FAM174B: variants seen among roughly 807,000 people sequenced by gnomAD.
The protein encoded by FAM174B is membrane protein FAM174B.
In FAM174B, 12 loss-of-function variants were observed where a neutral mutation model predicts 10.9. That is an observed-to-expected ratio of 1.10 (90% CI 0.71 to 1.79). FAM174B has a LOEUF of 1.79. Among genes scored for constraint, FAM174B ranks in the 40% most tolerant of loss-of-function variants. FAM174B has a pLI of 0.00. For synonymous variants in FAM174B, 132 were observed against 115.8 expected (o/e 1.14, Z -0.90); for missense variants, 266 against 233.3 (o/e 1.14, Z -0.91).
Position 92,619,105 on chromosome 15 carries a change from T to C in FAM174B, c.*351A>G. 1.5e-6 allele frequency: 1 copy of C among 657,352 alleles called. No individual in the cohort carries two copies. Among genetic ancestry groups the C allele is most frequent in the Admixed American group, 2.3e-5 (1 of 44,444 alleles). 40.7% of individuals were successfully genotyped at this position (657,352 alleles called of 1,614,324 possible). A position where few individuals can be genotyped will look rare whatever the true frequency, so the allele number is the denominator to read the frequency against. ...GATTCTTGATCCTCCTGATCTCTTT[T>C]ACTATTGTCAACAATTGTCTTAAAA... is the stretch of plus-strand genomic sequence containing the variant. On this transcript the variant is annotated 3_prime_UTR_variant, in exon 3 of 3. Transcript: ENST00000327355.
At chr15:92,623,447 T>G (rs2050732844) in intron 2 of FAM174B, among the ~76,000 whole-genome samples, 2 of 152,166 alleles carry the variant, frequency 1.3e-5, no homozygotes, top group Admixed American at 1.3e-4. Context: ...CTATAGGAAG[T>G]GAAGGCATAT....
intron 1 of FAM174B, among the ~76,000 whole-genome samples, chr15:92,639,485 G>T (rs2141959440): frequency 6.6e-6 from 1 of 152,328 alleles, no homozygotes; most frequent in South Asian, 2.1e-4. Context: ...GAATAGCCAT[G>T]AAAATTCTAT....
At chr15:92,636,491 T>C (rs1448921421) in intron 1 of FAM174B, among the ~76,000 whole-genome samples, 2 of 152,184 alleles carry the variant, frequency 1.3e-5, no homozygotes, top group Non-Finnish European at 2.9e-5. Context: ...CCCACAGCCA[T>C]GTAGCTAATC....
chr15:92,628,240 C>T (rs888637755), intron 2 of FAM174B, among the ~76,000 whole-genome samples: 5 of 151,570 alleles, frequency 3.3e-5, no homozygotes, highest in South Asian at 2.1e-4. Context: ...TCATGGCTCA[C>T]TGCAGCCTTG....
intron 1 of FAM174B, among the ~76,000 whole-genome samples, chr15:92,642,712 A>G (rs570895151): frequency 6.6e-6 from 1 of 152,332 alleles, no homozygotes; most frequent in African/African-American, 2.4e-5. Context: ...CTGTGAGGCA[A>G]TTAAACCTCT....
chr15:92,629,070 C>T (rs1261435153), intron 2 of FAM174B, among the ~76,000 whole-genome samples: 1 of 151,844 alleles, frequency 6.6e-6, no homozygotes, highest in Non-Finnish European at 1.5e-5. Context: ...CTGATTTATG[C>T]AGAAGGACCA....
In FAM174B at chr15:92,631,446, ATAACATAATATATAT is replaced by A. The variant is rs1480779204; in HGVS notation, c.345-1116_345-1102del. Among the ~76,000 whole-genome samples, 10 of 64,014 alleles carry A rather than the reference ATAACATAATATATAT, an allele frequency of 1.6e-4. 2 individuals carry two copies. Among genetic ancestry groups the A allele is most frequent in the South Asian group, 3.9e-4 (1 of 2,558 alleles). 42.0% of individuals were successfully genotyped at this position (64,014 alleles called of 152,430 possible). A position where few individuals can be genotyped will look rare whatever the true frequency, so the allele number is the denominator to read the frequency against. On this transcript the variant is annotated intron_variant, in intron 1 of 2. Coordinates refer to ENST00000327355, the MANE Select transcript of FAM174B (RefSeq NM_207446.3). Reference sequence around the variant, plus strand: ...ATATATAATATAATATATTATATATATAACATAATATATATTATATATAATTTATAATATATTATA... The same window carrying A: ...ATATATAATATAATATATTATATATATATATATAATTTATAATATATTATA...
intron 1 of FAM174B, among the ~76,000 whole-genome samples, chr15:92,644,426 G>A (rs1433054513): frequency 2.0e-5 from 3 of 152,148 alleles, no homozygotes; most frequent in East Asian, 1.9e-4. Context: ...GTCACATGAG[G>A]CAAAAGCATT....
In FAM174B at chr15:92,619,037, G is replaced by T; in HGVS notation, c.*419C>A. ...GTAGATCCAGTAGAGAAGAATGTCG[G>T]AAATTCTAAATACACAGTTGGACAT... is the stretch of plus-strand genomic sequence containing the variant. On this transcript the variant is annotated 3_prime_UTR_variant, in exon 3 of 3. Coordinates refer to ENST00000327355, the MANE Select transcript of FAM174B (RefSeq NM_207446.3). 1 of 525,706 alleles carries T rather than the reference G, an allele frequency of 1.9e-6. No individual in the cohort carries two copies. Among genetic ancestry groups the T allele is most frequent in the Non-Finnish European group, 3.3e-6 (1 of 299,276 alleles). 32.6% of individuals were successfully genotyped at this position (525,706 alleles called of 1,614,324 possible). A position where few individuals can be genotyped will look rare whatever the true frequency, so the allele number is the denominator to read the frequency against.
At chr15:92,642,979 T>C (rs955506279) in intron 1 of FAM174B, among the ~76,000 whole-genome samples, 8 of 152,106 alleles carry the variant, frequency 5.3e-5, no homozygotes, top group Admixed American at 3.9e-4. Flanking sequence ...AAAAGGGAAA[T>C]CTATACACAG....
chr15:92,621,327 A>G (rs2050717863), intron 2 of FAM174B, among the ~76,000 whole-genome samples: 1 of 152,258 alleles, frequency 6.6e-6, no homozygotes, highest in Non-Finnish European at 1.5e-5. Flanking sequence ...AAGAGAAAAC[A>G]TAAGCCAGGC....
intron 1 of FAM174B, among the ~76,000 whole-genome samples, chr15:92,654,007 G>A (rs1022368312): frequency 3.3e-5 from 5 of 152,198 alleles, no homozygotes; most frequent in African/African-American, 1.2e-4. Context: ...TCAACCCAGA[G>A]AACATCAAGG....
chr15:92,622,794 A>G (rs2050728167), intron 2 of FAM174B, among the ~76,000 whole-genome samples: 1 of 152,126 alleles, frequency 6.6e-6, no homozygotes, highest in Non-Finnish European at 1.5e-5. Context: ...GGAAGAACTT[A>G]TTGCCCCTTC....
rs143754646 is a variant in FAM174B at position 92,637,012 on chromosome 15, C to G, written c.345-6667G>C. On this transcript the variant is annotated intron_variant, in intron 1 of 2. Coordinates refer to ENST00000327355, the MANE Select transcript of FAM174B (RefSeq NM_207446.3). ...CTGGTTTGCAGCCAGCCCACGCCCA[C>G]TTCCTCCCTCCTTTTGGCATCTGTA... Among the ~76,000 whole-genome samples, 95 of 152,350 alleles carry G rather than the reference C, an allele frequency of 6.2e-4. 1 individual carries two copies. The East Asian group carries it at 0.017, about 27-fold the overall frequency.
intron 1 of FAM174B, among the ~76,000 whole-genome samples, chr15:92,630,855 GTTACA>G (rs2050792247): frequency 5.4e-5 from 2 of 36,988 alleles, no homozygotes; most frequent in Non-Finnish European, 1.8e-4. Context: ...CATATTACAT[GTTACA>G]TATTACATAT....
intron 1 of FAM174B, among the ~76,000 whole-genome samples, chr15:92,631,195 A>ATATAATATATTATATAT (rs2050799503): frequency 4.9e-5 from 1 of 20,564 alleles, no homozygotes; most frequent in Non-Finnish European, 9.8e-5. Context: ...TATATATTAT[A>ATATAATATATTATATAT]TATATTACAT....
intron 2 of FAM174B, among the ~76,000 whole-genome samples, chr15:92,628,751 T>G (rs900728573): frequency 1.3e-5 from 2 of 152,046 alleles, no homozygotes; most frequent in Non-Finnish European, 2.9e-5. Flanking sequence ...AAAACCAATA[T>G]GTATGTAAAC....
chr15:92,637,118 C>T (rs1383141459), intron 1 of FAM174B, among the ~76,000 whole-genome samples: 3 of 152,192 alleles, frequency 2.0e-5, no homozygotes, highest in East Asian at 1.9e-4. Context: ...AGCCTGGAGC[C>T]TGAGCCAATC....
At chr15:92,642,057 G>A (rs1175047222) in intron 1 of FAM174B, among the ~76,000 whole-genome samples, 1 of 152,104 alleles carries the variant, frequency 6.6e-6, no homozygotes, top group Non-Finnish European at 1.5e-5. Context: ...AATACACGAA[G>A]GCAAACAAGG....
Sources: gnomAD v4.1 joint callset for allele counts (sites outside exome capture counted in the v4.1 genomes callset) on GRCh38, gnomAD v4.1.1 for gene constraint, MANE v1.5 for transcripts, NCBI Gene and HGNC (gene_info 2026-07-23, HGNC 2026-07-21) for gene names.